Variants in ZCCHC2 observed in about 807,000 individuals in gnomAD.
ZCCHC2 encodes zinc finger CCHC-type containing 2, also known as zinc finger CCHC domain-containing protein 2.
In ZCCHC2, 39 loss-of-function variants were observed where a neutral mutation model predicts 103.6. That is an observed-to-expected ratio of 0.38 (90% CI 0.29 to 0.49). The LOEUF is 0.49. ZCCHC2 is among the 20% of genes least tolerant of loss of function. ZCCHC2 has a pLI of 0.96. For synonymous variants in ZCCHC2, 687 were observed against 608.9 expected, an observed-to-expected ratio of 1.13 and a Z score of -1.89; for missense variants, 1,483 against 1,491.0, an observed-to-expected ratio of 0.99 and a Z score of 0.09.
rs959482130 is a variant in ZCCHC2, at chr18:62,556,229, C to T, written c.1340C>T (p.Ala447Val). Residue 447 changes from alanine (A) to valine (V), a missense_variant, in exon 6 of 14, where the codon GCT (alanine) becomes GTT (valine). Ala to Val is a moderately conservative substitution (Grantham distance 64). Transcript: ENST00000269499. ...CAGCTATTTTCAAGTTCATCACAAG[C>T]TTTTCTACAAAGTCAGAAAGTACAC... is the stretch of plus-strand genomic sequence containing the variant. ...LRQLFSSSSQ[A>V]FLQSQKVHSF... The T allele has an allele frequency of 1.9e-6, 3 of 1,604,536 alleles. No individual in the cohort carries two copies. Among genetic ancestry groups the T allele is most frequent in the East Asian group, 2.2e-5 (1 of 44,702 alleles).
chr18:62,532,152 G>A (rs1178642044), intron 1 of ZCCHC2, among the ~76,000 whole-genome samples: 3 of 152,214 alleles, frequency 2.0e-5, no homozygotes, highest in Non-Finnish European at 4.4e-5. Flanking sequence ...CCCTTATGGT[G>A]TATATCTCAT....
At chr18:62,542,360 T>G in intron 2 of ZCCHC2, 138 bp from the exon 3 acceptor site, 2 of 590,066 alleles carry the variant, frequency 3.4e-6, no homozygotes, top group Non-Finnish European at 2.8e-6. Flanking sequence ...TTTTATTTCA[T>G]GATTTAAGAC....
chr18:62,572,820 T>G (rs765812244), intron 12 of ZCCHC2, among the ~76,000 whole-genome samples: 3 of 152,218 alleles, frequency 2.0e-5, no homozygotes, highest in Non-Finnish European at 4.4e-5. Flanking sequence ...ATTTTTATCT[T>G]TGACTGTGCA....
Position 62,550,497 on chromosome 18 carries a change from A to G in ZCCHC2, c.1313+37A>G, listed in dbSNP as rs761229729. On this transcript the variant is annotated intron_variant, in intron 5 of 13. Coordinates refer to ENST00000269499, the MANE Select transcript of ZCCHC2 (RefSeq NM_017742.6). The stretch of plus-strand genomic sequence containing the variant: ...CCTGACGCCTATCATAGCAGCATAC[A>G]CACAGGACAAAGGGCCGCTCCAAAT... 44 of 1,536,688 alleles carry G rather than the reference A, an allele frequency of 2.9e-5. 1 individual carries two copies. In the South Asian group the frequency reaches 5.0e-4, roughly 17 times the overall value.
In ZCCHC2 at chr18:62,556,357, C is replaced by A. The variant is rs537403824; in HGVS notation, c.1408+60C>A. 8 of 1,325,122 alleles carry A rather than the reference C, an allele frequency of 6.0e-6. No individual in the cohort carries two copies. In the East Asian group the frequency reaches 2.0e-4, roughly 33 times the overall value. 82.1% of individuals were successfully genotyped at this position (1,325,122 alleles called of 1,614,324 possible). A position where few individuals can be genotyped will look rare whatever the true frequency, so the allele number is the denominator to read the frequency against. ...TTCTTTGTTGGATTTTATTGCTTTACTGTGTCATTTTGTGTAGGTTTGTCA... is the reference window on the plus strand; with the variant it reads ...TTCTTTGTTGGATTTTATTGCTTTAATGTGTCATTTTGTGTAGGTTTGTCA... On this transcript the variant is annotated intron_variant, in intron 6 of 13. Transcript: ENST00000269499.
At chr18:62,530,305 G>A (rs1481806772) in intron 1 of ZCCHC2, among the ~76,000 whole-genome samples, 1 of 152,118 alleles carries the variant, frequency 6.6e-6, no homozygotes, top group Non-Finnish European at 1.5e-5. Context: ...TTGTCAGCCA[G>A]GCCACTTAAA....
downstream of ZCCHC2, among the ~76,000 whole-genome samples, chr18:62,580,027 G>A (rs972247805): frequency 5.3e-5 from 8 of 152,250 alleles, no homozygotes; most frequent in East Asian, 3.9e-4. Flanking sequence ...CACTGCGCCC[G>A]GCCTTCTGTT....
intron 4 of ZCCHC2, 86 bp from the exon 5 acceptor site, chr18:62,550,262 A>C: frequency 2.0e-6 from 2 of 985,322 alleles, no homozygotes; most frequent in Non-Finnish European, 3.0e-6. Flanking sequence ...AGGAGGCATT[A>C]ATCTTCATTT....
At chr18:62,529,149 G>A (rs1414004471) in intron 1 of ZCCHC2, among the ~76,000 whole-genome samples, 6 of 96,640 alleles carry the variant, frequency 6.2e-5, no homozygotes, top group Admixed American at 1.6e-4. Flanking sequence ...GACAGAGTGA[G>A]ACAACGTCTC....
At chr18:62,562,161 T>C (rs1420279581) in intron 8 of ZCCHC2, among the ~76,000 whole-genome samples, 1 of 151,994 alleles carries the variant, frequency 6.6e-6, no homozygotes, top group African/African-American at 2.4e-5. Context: ...CATGCCTGGC[T>C]AATTTTTTTT....
At chr18:62,582,859 G>C (rs1053319996), downstream of ZCCHC2, among the ~76,000 whole-genome samples, 1 of 152,224 alleles carries the variant, frequency 6.6e-6, no homozygotes, top group African/African-American at 2.4e-5. Context: ...CCAACACTTT[G>C]GGAGGCCAAG....
At chr18:62,534,448 T>C (rs745569244) in intron 1 of ZCCHC2, among the ~76,000 whole-genome samples, 20 of 152,212 alleles carry the variant, frequency 1.3e-4, no homozygotes, top group Admixed American at 5.2e-4. Flanking sequence ...TATTTTCTTA[T>C]TGCTTGGATA....
chr18:62,565,031 T>C lies in ZCCHC2; in HGVS notation c.1781T>C (p.Leu594Ser). ...AAAATTAAGAAAACTGACAACAGAT[T>C]GAATAGTAGAATAAATGGTATTAGA... ...KEKIKKTDNR[L>S]NSRINGIRLS... Residue 594 changes from leucine (L) to serine (S), a missense_variant, in exon 11 of 14, where the codon TTG becomes TCG. Transcript: ENST00000269499. The C allele has an allele frequency of 6.2e-7, 1 of 1,613,502 alleles. No homozygotes were observed. The highest frequency in any genetic ancestry group is 8.5e-7 in the Non-Finnish European group (1 of 1,179,562).
intron 1 of ZCCHC2, 122 bp downstream of exon 1, chr18:62,524,485 AC>A (rs1181860620): frequency 3.0e-6 from 4 of 1,321,488 alleles, no homozygotes; most frequent in Non-Finnish European, 3.9e-6. Flanking sequence ...CGGAATCCCC[AC>A]CCGGCAGCTC....
downstream of ZCCHC2, among the ~76,000 whole-genome samples, chr18:62,582,996 C>T (rs9961269): frequency 0.35 from 53,596 of 151,976 alleles, 9,876 homozygotes; most frequent in East Asian, 0.75. Flanking sequence ...CCCAGCTACT[C>T]AGGAGGCTGA....
At position 62,574,993 on chromosome 18, in the gene ZCCHC2, G is replaced by C; in HGVS notation, c.2912G>C (p.Ser971Thr). 1 of 1,613,928 alleles carries C rather than the reference G, an allele frequency of 6.2e-7. No homozygotes were observed. The highest frequency in any genetic ancestry group is 8.5e-7 in the Non-Finnish European group (1 of 1,179,878). Residue 971 changes from serine (S) to threonine (T), a missense_variant, in exon 13 of 14, where the codon AGC (serine) becomes ACC (threonine). By Grantham distance (58) the Ser-to-Thr change is moderately conservative (BLOSUM62 1). Around this residue, in one of 3 missense-constraint regions of ZCCHC2, gnomAD observed 884 missense variants for 907.5 expected, o/e 0.97. Coordinates refer to ENST00000269499, the MANE Select transcript of ZCCHC2 (RefSeq NM_017742.6). ...ACCCACACCCCAGGCCCTGCCCCGA[G>C]CCCAAGCCCTGCCTTGACACACAGT... is the stretch of plus-strand genomic sequence containing the variant. Reference protein sequence around the residue: ...VPTHTPGPAPSPSPALTHSTA... With the variant: ...VPTHTPGPAPTPSPALTHSTA...
intron 8 of ZCCHC2, among the ~76,000 whole-genome samples, chr18:62,562,627 G>A (rs535448093): frequency 6.6e-6 from 1 of 152,160 alleles, no homozygotes; most frequent in South Asian, 2.1e-4. Context: ...TCTCTTGTCT[G>A]TTTCTTTTGG....
At position 62,539,757 on chromosome 18, in the gene ZCCHC2, G is replaced by T. The variant is rs767403696; in HGVS notation, c.1016G>T (p.Gly339Val). ...LIEQAPIPQDGLTVAPHRAQR... is the reference protein window; with the variant it reads ...LIEQAPIPQDVLTVAPHRAQR... ...GAGCAAGCTCCAATACCTCAGGACG[G>T]ACTTACCGTGGCACCTCACAGAGCT... is the stretch of plus-strand genomic sequence containing the variant. The change falls in exon 2 of 14, where the codon GGA (glycine) becomes GTA (valine). Residue 339 changes from glycine (G) to valine (V), a missense_variant. This residue lies in a region of ZCCHC2 where 568 missense variants were observed against 525.1 expected (regional missense o/e 1.08). Transcript: ENST00000269499. 5 of 1,608,384 alleles carry T rather than the reference G, an allele frequency of 3.1e-6. No homozygotes were observed. Among genetic ancestry groups the T allele is most frequent in the Non-Finnish European group, 4.2e-6 (5 of 1,177,422 alleles).
chr18:62,551,849 A>G (rs1374775575), intron 5 of ZCCHC2: 1 of 152,364 alleles, frequency 6.6e-6, no homozygotes, highest in Non-Finnish European at 1.5e-5. Flanking sequence ...GCTTAGGGTC[A>G]GGGCTTAAGT....
Sources: gnomAD v4.1 joint callset for allele counts (sites outside exome capture counted in the v4.1 genomes callset) on GRCh38, gnomAD v4.1.1 for gene constraint, gnomAD v4.1.1 regional missense constraint, MANE v1.5 for transcripts, NCBI Gene and HGNC (gene_info 2026-07-23, HGNC 2026-07-21) for gene names.